Variants in TMEM51 observed in about 807,000 individuals in gnomAD.
The protein encoded by TMEM51 is transmembrane protein 51.
In TMEM51, 8 loss-of-function variants were observed where a neutral mutation model predicts 13.6. The ratio of observed to expected loss-of-function variants is 0.59; its 90% CI spans 0.35 to 1.07. The LOEUF is 1.07. Among genes scored for constraint, TMEM51 ranks in the 50% least tolerant of loss-of-function variants. TMEM51 has a pLI of 0.02. For synonymous variants in TMEM51, 147 were observed against 144.4 expected (o/e 1.02, Z -0.13); for missense variants, 279 against 330.7 (o/e 0.84, Z 1.21).
Position 15,192,470 on chromosome 1 carries a change from T to TTA in TMEM51, c.-266-18020_-266-18019insTA, listed in dbSNP as rs3078880. 2,411 of 249,958 alleles carry TTA rather than the reference T, an allele frequency of 9.6e-3. 111 individuals are homozygous for TTA. Among genetic ancestry groups the TTA allele is most frequent in the African/African-American group, 0.057 (2,114 of 37,264 alleles). The allele number at this position is 249,958 out of a possible 1,614,324, so 15.5% of individuals were successfully genotyped here. A position where few individuals can be genotyped will look rare whatever the true frequency, so the allele number is the denominator to read the frequency against. On this transcript the variant is annotated intron_variant, in intron 1 of 3. Transcript: ENST00000376008. ...TCTTTCTTTTCTTTTCCTTTTTTTT[T>TTA]ATGACAGAATCTTGCTCTGCTGCCC...
rs540999428 is a variant in TMEM51, at chr1:15,207,655, G to A, written c.-266-2835G>A. Among the ~76,000 whole-genome samples, 1 of 152,302 alleles carries A rather than the reference G, an allele frequency of 6.6e-6. No individual in the cohort carries two copies. The highest frequency in any genetic ancestry group is 1.9e-4 in the East Asian group (1 of 5,190). On this transcript the variant is annotated intron_variant, in intron 1 of 3. Coordinates refer to ENST00000376008, the MANE Select transcript of TMEM51 (RefSeq NM_001136218.2). This position sits in a 1 kb window ranked among gnomAD's most constrained non-coding sequence, Gnocchi z 4.6. ...GCCGGCTCTGGTTGGCCAGGGGTGTGCACACGAGTGGAAAGAGCCTCTGCC... is the reference window on the plus strand; with the variant it reads ...GCCGGCTCTGGTTGGCCAGGGGTGTACACACGAGTGGAAAGAGCCTCTGCC...
intron 1 of TMEM51, among the ~76,000 whole-genome samples, chr1:15,182,161 CAAATAAATAAATAAAT>C (rs56106721): frequency 0.16 from 22,691 of 139,444 alleles, 2,442 homozygotes; most frequent in African/African-American, 0.31. Flanking sequence ...AACTCCATCT[CAAATAAATAAATAAAT>C]AAATAAATAA....
At chr1:15,170,589 C>T (rs562875971) in intron 1 of TMEM51, among the ~76,000 whole-genome samples, 4 of 152,112 alleles carry the variant, frequency 2.6e-5, no homozygotes, top group African/African-American at 9.6e-5. Context: ...GGATTATAGG[C>T]GTGAGTCACC....
chr1:15,164,662 A>G (rs897257948), intron 1 of TMEM51, among the ~76,000 whole-genome samples: 3 of 152,018 alleles, frequency 2.0e-5, no homozygotes, highest in African/African-American at 7.3e-5. Flanking sequence ...AAAAGAGATT[A>G]TTGAAACGAT....
At chr1:15,200,899 G>A (rs1644142535) in intron 1 of TMEM51, among the ~76,000 whole-genome samples, 1 of 152,160 alleles carries the variant, frequency 6.6e-6, no homozygotes, top group South Asian at 2.1e-4. Flanking sequence ...AACTGACCTA[G>A]GGAAAGTTTC....
chr1:15,215,259 C>G lies in TMEM51; in HGVS notation c.172C>G (p.Leu58Val). 6.2e-7 allele frequency: 1 copy of G among 1,614,206 alleles called. No homozygotes were observed. The highest frequency in any genetic ancestry group is 8.5e-7 in the Non-Finnish European group (1 of 1,180,030). The change falls in exon 3 of 4, where the codon CTC (leucine) becomes GTC (valine). Residue 58 changes from leucine (L) to valine (V), a missense_variant. Leu to Val is a conservative substitution (Grantham distance 32). Transcript: ENST00000376008. ...CAAGACCGAGGTGGGTGGCGGCATC[C>G]TCAAGAGCAAGACCTTCTCTGTGGC... Reference protein sequence around the residue: ...SNKTEVGGGILKSKTFSVAYV... With the variant: ...SNKTEVGGGIVKSKTFSVAYV...
intron 1 of TMEM51, among the ~76,000 whole-genome samples, chr1:15,186,683 G>A (rs1341052793): frequency 1.3e-5 from 2 of 152,188 alleles, no homozygotes; most frequent in South Asian, 2.1e-4. Flanking sequence ...CTAGGACCAC[G>A]AAGAGCCTTA....
chr1:15,168,435 G>A (rs879077277), intron 1 of TMEM51: 85 of 1,262,150 alleles, frequency 6.7e-5, no homozygotes, highest in African/African-American at 4.3e-4. Flanking sequence ...AATGTATAAT[G>A]AGCTTGGATA....
At chr1:15,194,286 A>G (rs1404343345) in intron 1 of TMEM51, among the ~76,000 whole-genome samples, 1 of 152,260 alleles carries the variant, frequency 6.6e-6, no homozygotes, top group South Asian at 2.1e-4. Context: ...ATATGTCAAC[A>G]TGAAATTAAT....
intron 1 of TMEM51, among the ~76,000 whole-genome samples, chr1:15,209,261 T>C (rs1644299890): frequency 6.7e-6 from 1 of 150,236 alleles, no homozygotes; most frequent in Admixed American, 6.6e-5. Context: ...ATTATTATTA[T>C]TACTATTATT....
At chr1:15,197,433 C>T (rs72862013) in intron 1 of TMEM51, among the ~76,000 whole-genome samples, 4,291 of 152,246 alleles carry the variant, frequency 0.028, 202 homozygotes, top group African/African-American at 0.092. Flanking sequence ...CTGTTGGACA[C>T]CTCCTCCTGT....
chr1:15,210,259 G>T (rs1048616041), intron 1 of TMEM51, among the ~76,000 whole-genome samples: 1 of 152,158 alleles, frequency 6.6e-6, no homozygotes, highest in Non-Finnish European at 1.5e-5. Flanking sequence ...ATAATACCAT[G>T]AAAGAGTTTG....
At chr1:15,163,019 A>T (rs1036140862) in intron 1 of TMEM51, among the ~76,000 whole-genome samples, 3 of 152,026 alleles carry the variant, frequency 2.0e-5, no homozygotes, top group Non-Finnish European at 4.4e-5. Flanking sequence ...ACTTTATGTT[A>T]TGTGCATTTT....
At chr1:15,188,551 G>A (rs1643855698) in intron 1 of TMEM51, among the ~76,000 whole-genome samples, 1 of 152,240 alleles carries the variant, frequency 6.6e-6, no homozygotes, top group African/African-American at 2.4e-5. Context: ...CCCTTGTTGG[G>A]AATCACTTGT....
At position 15,220,119 on chromosome 1, in the gene TMEM51, CTG is replaced by C. The variant is rs969175535; in HGVS notation, c.*378_*379del. On this transcript the variant is annotated 3_prime_UTR_variant, in exon 4 of 4. Coordinates refer to ENST00000376008, the MANE Select transcript of TMEM51 (RefSeq NM_001136218.2). ...GTTGTTTGTTTTGCTTCTACTAAGA[CTG>C]TTTTGTTTCAAAAAGGAAACAAGTT... 2.3e-5 allele frequency: 5 copies of C among 219,606 alleles called. No individual in the cohort carries two copies. Among genetic ancestry groups the C allele is most frequent in the Admixed American group, 2.1e-4 (4 of 19,476 alleles). The allele number at this position is 219,606 out of a possible 1,614,324, so 13.6% of individuals were successfully genotyped here. A position where few individuals can be genotyped will look rare whatever the true frequency, so the allele number is the denominator to read the frequency against.
intron 1 of TMEM51, among the ~76,000 whole-genome samples, chr1:15,199,395 A>T (rs1282639678): frequency 1.3e-5 from 2 of 152,054 alleles, no homozygotes. Flanking sequence ...TTGCCCTCCC[A>T]AAGTGCTGGG....
intron 1 of TMEM51, among the ~76,000 whole-genome samples, chr1:15,178,462 G>A (rs1447630766): frequency 6.6e-6 from 1 of 152,168 alleles, no homozygotes; most frequent in Non-Finnish European, 1.5e-5. Context: ...TTCTGATTCT[G>A]TAAGTCCTTC....
chr1:15,192,435 T>C, intron 1 of TMEM51: 1 of 175,398 alleles, frequency 5.7e-6, no homozygotes, highest in Non-Finnish European at 9.9e-6. Context: ...ACTTTTTTTC[T>C]TTCTTTCTTT....
At chr1:15,211,829 C>A (rs1052818394) in intron 2 of TMEM51, among the ~76,000 whole-genome samples, 3 of 60,256 alleles carry the variant, frequency 5.0e-5, no homozygotes, top group Non-Finnish European at 9.0e-5. Flanking sequence ...TGACCCCCCC[C>A]CCCCCCCCGG....
Sources: gnomAD v4.1 joint callset for allele counts (sites outside exome capture counted in the v4.1 genomes callset) on GRCh38, gnomAD v4.1.1 for gene constraint, Gnocchi (gnomAD v3.1) non-coding constraint, MANE v1.5 for transcripts, NCBI Gene and HGNC (gene_info 2026-07-23, HGNC 2026-07-21) for gene names.